Variants in COL25A1 observed in about 807,000 individuals in gnomAD.
COL25A1 encodes collagen type XXV alpha 1 chain.
In COL25A1, 103 loss-of-function variants were observed where a neutral mutation model predicts 128.4. That is an observed-to-expected ratio of 0.80 (90% CI 0.68 to 0.94). The LOEUF (loss-of-function observed/expected upper bound fraction) is 0.94, where lower values mean the gene tolerates loss of function less well. Among genes scored for constraint, COL25A1 ranks in the 40% least tolerant of loss-of-function variants. The pLI is 0.00. For missense variants in COL25A1, 745 were observed against 840.0 expected, an observed-to-expected ratio of 0.89 and a Z score of 1.40; for synonymous variants, 279 against 277.2, an observed-to-expected ratio of 1.01 and a Z score of -0.06.
At chr4:109,108,516 C>T (rs1318880404) in intron 3 of COL25A1, among the ~76,000 whole-genome samples, 2 of 152,132 alleles carry the variant, frequency 1.3e-5, no homozygotes, top group Admixed American at 1.3e-4. Context: ...TTTATAGCAG[C>T]ATGATTTATA....
chr4:109,236,268 TTA>T (rs776513582), intron 3 of COL25A1, among the ~76,000 whole-genome samples: 1 of 152,078 alleles, frequency 6.6e-6, no homozygotes, highest in Non-Finnish European at 1.5e-5. Context: ...TTATAAAACT[TTA>T]TGTTATACAC....
At chr4:108,926,238 A>C (rs1746049305) in intron 11 of COL25A1, among the ~76,000 whole-genome samples, 1 of 152,138 alleles carries the variant, frequency 6.6e-6, no homozygotes, top group Non-Finnish European at 1.5e-5. Flanking sequence ...GTTGCCTGCT[A>C]TTAGGAAATG....
chr4:108,895,005 G>A (rs936862074), intron 16 of COL25A1, among the ~76,000 whole-genome samples: 1 of 152,114 alleles, frequency 6.6e-6, no homozygotes, highest in African/African-American at 2.4e-5. Context: ...GGCCAAAAAT[G>A]ATGCTAAACA....
At chr4:109,050,958 A>G (rs3096485) in intron 3 of COL25A1, among the ~76,000 whole-genome samples, 73,756 of 151,698 alleles carry the variant, frequency 0.49, 19,466 homozygotes, top group African/African-American at 0.67. Context: ...GATTCTAGAC[A>G]TTCATGGCTT....
chr4:108,917,449 C>A (rs1035418970), intron 13 of COL25A1, among the ~76,000 whole-genome samples: 3 of 152,158 alleles, frequency 2.0e-5, no homozygotes, highest in Non-Finnish European at 4.4e-5. Context: ...CCTGACAAAC[C>A]GGCTCAGCAA....
At chr4:109,097,303 TA>T in intron 3 of COL25A1, among the ~76,000 whole-genome samples, 1 of 152,268 alleles carries the variant, frequency 6.6e-6, no homozygotes, top group Admixed American at 6.5e-5. Context: ...TGAGCCATGT[TA>T]ATTAAAATTA....
At chr4:109,067,639 GT>G (rs1479553440) in intron 3 of COL25A1, among the ~76,000 whole-genome samples, 1 of 152,174 alleles carries the variant, frequency 6.6e-6, no homozygotes, top group Non-Finnish European at 1.5e-5. Flanking sequence ...CTGGTGAACA[GT>G]TTTTGTTTTC....
chr4:109,217,452 G>A (rs188447296), intron 3 of COL25A1, among the ~76,000 whole-genome samples: 242 of 152,066 alleles, frequency 1.6e-3, no homozygotes, highest in Non-Finnish European at 2.8e-3. Context: ...CTCTTTTATA[G>A]ATAAGTCTTT....
intron 3 of COL25A1, among the ~76,000 whole-genome samples, chr4:109,178,156 T>C (rs1026128900): frequency 6.6e-6 from 1 of 152,246 alleles, no homozygotes; most frequent in Non-Finnish European, 1.5e-5. Flanking sequence ...CCCTCCTATA[T>C]ACATCCTTAT....
At chr4:108,854,169 A>C (rs538801829) in intron 24 of COL25A1, 1 of 152,224 alleles carries the variant, frequency 6.6e-6, no homozygotes, top group Non-Finnish European at 1.5e-5. Context: ...AGCCATATGC[A>C]GAAAACTGAA....
At chr4:109,253,619 C>A (rs1306898318) in intron 3 of COL25A1, among the ~76,000 whole-genome samples, 2 of 152,096 alleles carry the variant, frequency 1.3e-5, no homozygotes, top group Non-Finnish European at 2.9e-5. Context: ...CAAGTTGACA[C>A]ACAAAATTAA....
At chr4:109,206,047 A>G (rs977802122) in intron 3 of COL25A1, among the ~76,000 whole-genome samples, 2 of 151,548 alleles carry the variant, frequency 1.3e-5, no homozygotes, top group Non-Finnish European at 2.9e-5. Flanking sequence ...CATTTTTCAG[A>G]AAAAAAAATC....
At chr4:108,882,938 A>G (rs1357817627) in intron 19 of COL25A1, among the ~76,000 whole-genome samples, 1 of 152,176 alleles carries the variant, frequency 6.6e-6, no homozygotes, top group Non-Finnish European at 1.5e-5. Context: ...TCAATAATAT[A>G]TCTATCCTAA....
At chr4:108,951,763 A>C (rs1018195800) in intron 8 of COL25A1, among the ~76,000 whole-genome samples, 3 of 148,842 alleles carry the variant, frequency 2.0e-5, no homozygotes, top group Non-Finnish European at 4.6e-5. Context: ...ACTTGAACAG[A>C]TGTAAGGCTA....
chr4:109,253,967 GTCCCA>G (rs1390973723), intron 3 of COL25A1, among the ~76,000 whole-genome samples: 5 of 151,752 alleles, frequency 3.3e-5, no homozygotes, highest in Non-Finnish European at 7.4e-5. Flanking sequence ...GGTGCCTGTA[GTCCCA>G]GCTACTCAGG....
chr4:108,860,352 A>T (rs1737052165), intron 23 of COL25A1, among the ~76,000 whole-genome samples: 1 of 152,158 alleles, frequency 6.6e-6, no homozygotes, highest in Non-Finnish European at 1.5e-5. Flanking sequence ...TTGGCTCCCA[A>T]AGTGCTAGAA....
intron 6 of COL25A1, among the ~76,000 whole-genome samples, chr4:108,989,419 A>G (rs773354260): frequency 4.6e-5 from 7 of 152,168 alleles, no homozygotes; most frequent in Non-Finnish European, 1.0e-4. Flanking sequence ...AGTTTCAAGG[A>G]AGGTGTGCTA....
At chr4:109,050,240 G>T in intron 3 of COL25A1, 61 bp from the exon 4 acceptor site, 2 of 1,241,116 alleles carry the variant, frequency 1.6e-6, no homozygotes, top group Non-Finnish European at 2.3e-6. Flanking sequence ...TTCCAAAATA[G>T]CTAGTAAATA....
chr4:108,897,292 T>A (rs1408544813), intron 15 of COL25A1, among the ~76,000 whole-genome samples: 2 of 152,194 alleles, frequency 1.3e-5, no homozygotes, highest in African/African-American at 4.8e-5. Flanking sequence ...CTAGAAAAAT[T>A]TTTTAAATCA....
Sources: gnomAD v4.1 joint callset for allele counts (sites outside exome capture counted in the v4.1 genomes callset) on GRCh38, gnomAD v4.1.1 for gene constraint, MANE v1.5 for transcripts, NCBI Gene and HGNC (gene_info 2026-07-23, HGNC 2026-07-21) for gene names.